COLEC11: variants seen among roughly 807,000 people sequenced by gnomAD.
The protein encoded by COLEC11 is collectin subfamily member 11.
A neutral mutation model predicts 27.3 loss-of-function variants in COLEC11; 20 were observed. The observed-to-expected ratio is 0.73, with a 90% CI of 0.51 to 1.06. The LOEUF is 1.06. Ranked by LOEUF, COLEC11 falls within the 50% of genes least tolerant of loss-of-function variation. COLEC11 has a pLI of 0.00. For missense variants in COLEC11, 310 were observed against 383.0 expected (o/e 0.81, Z 1.59); for synonymous variants, 163 against 154.7 (o/e 1.05, Z -0.40).
intron 5 of COLEC11, among the ~76,000 whole-genome samples, chr2:3,642,070 C>T (rs539280805): frequency 2.0e-5 from 3 of 152,318 alleles, no homozygotes; most frequent in South Asian, 4.1e-4. Context: ...CGGAGGGAAT[C>T]GGTTGGCAGA....
At chr2:3,631,914 G>A (rs1665032152) in intron 3 of COLEC11, among the ~76,000 whole-genome samples, 1 of 152,230 alleles carries the variant, frequency 6.6e-6, no homozygotes, top group South Asian at 2.1e-4. Flanking sequence ...GCTTCCCGCA[G>A]TTCCTGGCCC....
At chr2:3,640,067 C>G (rs139997736) in intron 4 of COLEC11, among the ~76,000 whole-genome samples, 90 of 152,310 alleles carry the variant, frequency 5.9e-4, no homozygotes, top group African/African-American at 2.1e-3. Context: ...ACTCGATAAT[C>G]CCTGTCACCC....
chr2:3,596,753 G>T (rs924132743), intron 1 of COLEC11, among the ~76,000 whole-genome samples: 1 of 152,174 alleles, frequency 6.6e-6, no homozygotes, highest in South Asian at 2.1e-4. Flanking sequence ...AGCGTCTTGG[G>T]CCCTGGCTGG....
At chr2:3,631,270 A>G (rs895927488) in intron 3 of COLEC11, among the ~76,000 whole-genome samples, 1 of 152,186 alleles carries the variant, frequency 6.6e-6, no homozygotes, top group Non-Finnish European at 1.5e-5. Flanking sequence ...ATGCTTAGGC[A>G]TTCTTCAAAG....
At chr2:3,632,911 T>A (rs1665122498) in intron 3 of COLEC11, among the ~76,000 whole-genome samples, 1 of 150,596 alleles carries the variant, frequency 6.6e-6, no homozygotes, top group South Asian at 2.1e-4. Flanking sequence ...CACCACGGGC[T>A]GAGGAGCGAC....
At chr2:3,627,788 C>T (rs962904719) in intron 3 of COLEC11, among the ~76,000 whole-genome samples, 1 of 148,944 alleles carries the variant, frequency 6.7e-6, no homozygotes, top group Non-Finnish European at 1.5e-5. Context: ...AATCTGGGCA[C>T]GACGATGCTG....
chr2:3,608,501 G>A (rs991714022), intron 2 of COLEC11, among the ~76,000 whole-genome samples: 3 of 152,098 alleles, frequency 2.0e-5, no homozygotes, highest in Admixed American at 2.0e-4. Flanking sequence ...TATGACCCCT[G>A]GGACCAGTGG....
At chr2:3,621,961 G>A (rs929070645) in intron 3 of COLEC11, among the ~76,000 whole-genome samples, 7 of 151,902 alleles carry the variant, frequency 4.6e-5, no homozygotes, top group Middle Eastern at 3.2e-3. Context: ...GGTGGATCAC[G>A]AGGTCAGGAG....
At chr2:3,604,848 G>C (rs537209174) in intron 2 of COLEC11, among the ~76,000 whole-genome samples, 1 of 151,988 alleles carries the variant, frequency 6.6e-6, no homozygotes, top group African/African-American at 2.4e-5. Flanking sequence ...TTTGCAACTT[G>C]TGTTAAGTTC....
intron 3 of COLEC11, among the ~76,000 whole-genome samples, chr2:3,631,460 C>T (rs1467342578): frequency 1.3e-5 from 2 of 152,116 alleles, no homozygotes; most frequent in African/African-American, 4.8e-5. Flanking sequence ...GGGAGTGTTT[C>T]TCCACCCCCA....
intron 1 of COLEC11, among the ~76,000 whole-genome samples, chr2:3,598,649 A>G (rs1391097126): frequency 6.6e-6 from 1 of 151,390 alleles, no homozygotes; most frequent in East Asian, 1.9e-4. Flanking sequence ...GCGTGAGCAC[A>G]GGGGAGAAGG....
chr2:3,634,182 C>T (rs1208050131), intron 3 of COLEC11, among the ~76,000 whole-genome samples: 2 of 152,198 alleles, frequency 1.3e-5, no homozygotes, highest in African/African-American at 4.8e-5. Context: ...ACTGGGCACT[C>T]AGTGTGGGTG....
chr2:3,642,568 C>T (rs1465648832), intron 5 of COLEC11, among the ~76,000 whole-genome samples: 5 of 151,920 alleles, frequency 3.3e-5, no homozygotes, highest in African/African-American at 1.2e-4. Context: ...CAATTCTTGT[C>T]TTAAAGCAAA....
intron 4 of COLEC11, among the ~76,000 whole-genome samples, chr2:3,638,675 T>C (rs1305536697): frequency 6.6e-6 from 1 of 152,066 alleles, no homozygotes; most frequent in Non-Finnish European, 1.5e-5. Context: ...GGGAGGGGCC[T>C]AGCTCAGCTG....
At chr2:3,622,115 G>C (rs1262060577) in intron 3 of COLEC11, among the ~76,000 whole-genome samples, 2 of 151,404 alleles carry the variant, frequency 1.3e-5, no homozygotes, top group Non-Finnish European at 2.9e-5. Flanking sequence ...CTTGCAGTGA[G>C]CTGAGATTGT....
intron 4 of COLEC11, among the ~76,000 whole-genome samples, chr2:3,638,423 C>T (rs533154942): frequency 3.2e-4 from 48 of 152,310 alleles, no homozygotes; most frequent in African/African-American, 1.1e-3. Flanking sequence ...TGTAGCAATG[C>T]GGCTAAGCTG....
At chr2:3,603,911 C>T (rs1662427193) in intron 1 of COLEC11, 2 of 585,472 alleles carry the variant, frequency 3.4e-6, no homozygotes, top group Non-Finnish European at 6.1e-6. Context: ...TTTCCTTTAG[C>T]TGTATCTCAG....
intron 2 of COLEC11, among the ~76,000 whole-genome samples, chr2:3,609,233 C>T (rs1662981335): frequency 1.3e-5 from 2 of 152,060 alleles, no homozygotes; most frequent in African/African-American, 4.8e-5. Flanking sequence ...TTTTTAATGA[C>T]TTATGATTCT....
intron 1 of COLEC11, among the ~76,000 whole-genome samples, chr2:3,595,940 C>A (rs1008381921): frequency 6.6e-6 from 1 of 152,190 alleles, no homozygotes. Context: ...AGCACTGCCC[C>A]AATCTTTCAC....
Sources: allele counts gnomAD v4.1 joint callset (sites outside exome capture counted in the v4.1 genomes callset), GRCh38; gene constraint gnomAD v4.1.1; transcripts MANE v1.5; gene names NCBI Gene and HGNC (gene_info 2026-07-23, HGNC 2026-07-21).